The following DOCK6 variants were observed in gnomAD, a reference collection of about 807,000 sequenced individuals.
The protein encoded by DOCK6 is dedicator of cytokinesis 6, also known as dedicator of cytokinesis protein 6.
In DOCK6, 167 loss-of-function variants were observed where a neutral mutation model predicts 230.3. The observed-to-expected ratio is 0.73, with a 90% CI of 0.64 to 0.82. The LOEUF (loss-of-function observed/expected upper bound fraction) is 0.82, where lower values mean the gene tolerates loss of function less well. DOCK6 is among the 40% of genes least tolerant of loss of function. The pLI is 0.00. For missense variants in DOCK6, 2,598 were observed against 2,825.8 expected (o/e 0.92, Z 1.83); for synonymous variants, 1,148 against 1,185.0 (o/e 0.97, Z 0.64).
At position 11,227,347 on chromosome 19, in the gene DOCK6, C is replaced by A. The variant is rs763945931; in HGVS notation, c.2945G>T (p.Arg982Leu). 1.9e-6 allele frequency: 3 copies of A among 1,613,848 alleles called. No individual in the cohort carries two copies. In the South Asian group the frequency reaches 3.3e-5, roughly 18 times the overall value. ...CCCTGCATCTCTCACCTTGTGGACA[C>A]GGGTGATGACCTCCAGGCCCACAGA... ...VGSVGLEVIT[R>L]VHKDVELAEH... is the part of the protein sequence containing the mutation. The change falls in exon 24 of 48, where the codon CGT becomes CTT. Residue 982 changes from arginine to leucine, a missense_variant. Transcript: ENST00000294618.
chr19:11,224,217 T>TC (rs1555691456), intron 24 of DOCK6, among the ~76,000 whole-genome samples: 9 of 149,126 alleles, frequency 6.0e-5, no homozygotes, highest in East Asian at 5.9e-4. Context: ...TTTCTTTCTT[T>TC]TTTTTTTTTT....
intron 22 of DOCK6, among the ~76,000 whole-genome samples, chr19:11,231,097 CT>C (rs1183355787): frequency 6.6e-6 from 1 of 152,188 alleles, no homozygotes; most frequent in South Asian, 2.1e-4. Context: ...AAGGCCCCCC[CT>C]GCTTGTTCTG....
chr19:11,201,425 G>A lies in DOCK6; in HGVS notation c.5689-373C>T, dbSNP rs1191949362. Among the ~76,000 whole-genome samples the A allele has an allele frequency of 2.0e-5, 3 of 151,454 alleles. No homozygotes were observed. The highest frequency in any genetic ancestry group is 7.3e-5 in the African/African-American group (3 of 41,188). On this transcript the variant is annotated intron_variant, in intron 44 of 47. Coordinates refer to ENST00000294618, the MANE Select transcript of DOCK6 (RefSeq NM_020812.4). This position sits in a 1 kb window ranked among gnomAD's most constrained non-coding sequence, Gnocchi z 4.3. Reference sequence around the variant, plus strand: ...TGGAATCCCTGGGCTTCTCCTCCCTGGGCCTTCTTAGATTTGGAGTCCCTG... The same window carrying A: ...TGGAATCCCTGGGCTTCTCCTCCCTAGGCCTTCTTAGATTTGGAGTCCCTG...
In DOCK6 at chr19:11,200,714, A is replaced by G. The variant is rs201387914; in HGVS notation, c.5939+2T>C. 394 of 1,611,398 alleles carry G rather than the reference A, an allele frequency of 2.4e-4. No individual in the cohort carries two copies. The highest frequency in any genetic ancestry group is 3.0e-4 in the Non-Finnish European group (359 of 1,178,934). ...ACCCCTCCTGGGGGGTTTTGCGCCT[A>G]CTTCTTGCAGAAGTCCTTGAAGCAG... On this transcript the variant is annotated splice_donor_variant, in intron 46 of 47. Coordinates refer to ENST00000294618, the MANE Select transcript of DOCK6 (RefSeq NM_020812.4). LOFTEE classifies it high-confidence loss of function. This position sits in a 1 kb window ranked among gnomAD's most constrained non-coding sequence, Gnocchi z 4.3.
At chr19:11,209,735 C>T (rs2079334734) in intron 37 of DOCK6, among the ~76,000 whole-genome samples, 1 of 94,532 alleles carries the variant, frequency 1.1e-5, no homozygotes, top group African/African-American at 3.5e-5. Context: ...TATCCCCTCA[C>T]CTGTCCACCC....
chr19:11,261,913 A>G (rs1030086004), intron 1 of DOCK6, among the ~76,000 whole-genome samples: 13 of 152,204 alleles, frequency 8.5e-5, no homozygotes, highest in Admixed American at 5.2e-4. Flanking sequence ...AGGGGTTTCA[A>G]ACGCCACCAA....
At chr19:11,237,260 A>G (rs1007116472) in intron 18 of DOCK6, 196 bp downstream of exon 18, 3 of 643,662 alleles carry the variant, frequency 4.7e-6, no homozygotes, top group South Asian at 1.9e-5. Context: ...AATGGAGCAG[A>G]GAGGCAATGG....
intron 39 of DOCK6, among the ~76,000 whole-genome samples, chr19:11,204,860 A>G (rs1045028697): frequency 6.6e-6 from 1 of 152,086 alleles, no homozygotes; most frequent in African/African-American, 2.4e-5. Flanking sequence ...CACTTTTAGC[A>G]AGAATATTCT....
chr19:11,252,729 G>A (rs915837373), intron 3 of DOCK6, 54 bp downstream of exon 3: 21 of 1,596,794 alleles, frequency 1.3e-5, no homozygotes, highest in Non-Finnish European at 1.7e-5. Flanking sequence ...TGTTGATGGG[G>A]TTGGCAGAGA....
In DOCK6 at chr19:11,200,664, C is replaced by T; in HGVS notation, c.5939+52G>A. ...AGAGATCAGATGGGCAGAGAGCAGG[C>T]CTATGCAGGTTAGGCAGACACGAGA... On this transcript the variant is annotated intron_variant, in intron 46 of 47. Transcript: ENST00000294618. This position sits in a 1 kb window ranked among gnomAD's most constrained non-coding sequence, Gnocchi z 4.3. The T allele has an allele frequency of 6.5e-7, 1 of 1,541,860 alleles. No homozygotes were observed. The highest frequency in any genetic ancestry group is 8.8e-7 in the Non-Finnish European group (1 of 1,136,454).
Position 11,236,200 on chromosome 19 carries a change from T to C in DOCK6, c.2392+146A>G. 1.2e-6 allele frequency: 1 copy of C among 814,482 alleles called. No homozygotes were observed. The highest frequency in any genetic ancestry group is 1.9e-6 in the Non-Finnish European group (1 of 530,866). The allele number at this position is 814,482 out of a possible 1,614,324, so 50.5% of individuals were successfully genotyped here. ...CGGGCCAAAGGGTCACAGAAGACCT[T>C]CTCTGGGTGCAGGGGACTGGAGGTC... On this transcript the variant is annotated intron_variant, in intron 20 of 47. Transcript: ENST00000294618. The surrounding 1 kb of genome is among the most constrained non-coding windows in gnomAD (Gnocchi z 5.2).
At chr19:11,223,156 CAG>C (rs768154021) in intron 24 of DOCK6, 50 bp from the exon 25 acceptor site, 65 of 1,545,282 alleles carry the variant, frequency 4.2e-5, no homozygotes, top group Non-Finnish European at 5.6e-5. Flanking sequence ...TCAGCCCCGA[CAG>C]GGGCTTGGCT....
In DOCK6 at chr19:11,259,835, G is replaced by C. The variant is rs1426204405; in HGVS notation, c.44+2562C>G. Among the ~76,000 whole-genome samples the C allele has an allele frequency of 2.0e-5, 3 of 146,668 alleles. No individual in the cohort carries two copies. In the South Asian group the frequency reaches 6.5e-4, roughly 32 times the overall value. On this transcript the variant is annotated intron_variant, in intron 1 of 47. Transcript: ENST00000294618. The stretch of plus-strand genomic sequence containing the variant: ...TGACCTCAGGTGATCCACCTGCCTC[G>C]GCCTCCCAAAGTCTGGGATTACAGA...
In DOCK6 at chr19:11,208,666, C is replaced by T. The variant is rs1225990867; in HGVS notation, c.5088+20G>A. 5 of 1,603,266 alleles carry T rather than the reference C, an allele frequency of 3.1e-6. No homozygotes were observed. Among genetic ancestry groups the T allele is most frequent in the African/African-American group, 1.3e-5 (1 of 74,762 alleles). On this transcript the variant is annotated intron_variant, in intron 39 of 47. Coordinates refer to ENST00000294618, the MANE Select transcript of DOCK6 (RefSeq NM_020812.4). ...CCTGGCCCGAGCCCCCTCTCCTGCA[C>T]CCAGTCCCCAAGGCCTCACCATGGT... is the stretch of plus-strand genomic sequence containing the variant.
At chr19:11,223,339 C>T (rs939272683) in intron 24 of DOCK6, among the ~76,000 whole-genome samples, 41 of 152,286 alleles carry the variant, frequency 2.7e-4, no homozygotes, top group African/African-American at 8.7e-4. Flanking sequence ...AAGATCCTCT[C>T]GCTCTCTCTG....
At position 11,201,242 on chromosome 19, in the gene DOCK6, C is replaced by T. The variant is rs921586635; in HGVS notation, c.5689-190G>A. Among the ~76,000 whole-genome samples, 1 of 151,936 alleles carries T rather than the reference C, an allele frequency of 6.6e-6. No homozygotes were observed. Among genetic ancestry groups the T allele is most frequent in the Non-Finnish European group, 1.5e-5 (1 of 67,950 alleles). On this transcript the variant is annotated intron_variant, in intron 44 of 47. Coordinates refer to ENST00000294618, the MANE Select transcript of DOCK6 (RefSeq NM_020812.4). The surrounding 1 kb of genome is among the most constrained non-coding windows in gnomAD (Gnocchi z 4.3). ...CCTTGGGTCTGCTGGGTCTGGTGCC[C>T]TGGGGTCCAGGGGCTTTACCTCTGG...
At chr19:11,235,248 A>G (rs779576747) in intron 21 of DOCK6, among the ~76,000 whole-genome samples, 7 of 152,260 alleles carry the variant, frequency 4.6e-5, no homozygotes, top group South Asian at 2.1e-4. Context: ...CTGGGATTAC[A>G]GGCACCTACC....
intron 14 of DOCK6, chr19:11,238,568 T>A (rs1485313403): frequency 2.2e-6 from 1 of 459,776 alleles, no homozygotes; most frequent in East Asian, 3.5e-5. Flanking sequence ...CAGAAGGACA[T>A]TGGAGGCACT....
intron 7 of DOCK6, 76 bp downstream of exon 7, chr19:11,247,987 ACTC>A: frequency 1.0e-5 from 13 of 1,259,822 alleles, no homozygotes; most frequent in Non-Finnish European, 1.5e-5. Context: ...TAATGGCACT[ACTC>A]ATGTAGTGTG....
Sources: allele counts gnomAD v4.1 joint callset (sites outside exome capture counted in the v4.1 genomes callset), GRCh38; gene constraint gnomAD v4.1.1; non-coding constraint Gnocchi (gnomAD v3.1); transcripts MANE v1.5; gene names NCBI Gene and HGNC (gene_info 2026-07-23, HGNC 2026-07-21).